APCDD1: variants seen among roughly 807,000 people sequenced by gnomAD.
APCDD1 encodes protein APCDD1.
A neutral mutation model predicts 38.1 loss-of-function variants in APCDD1; 15 were observed. The ratio of observed to expected loss-of-function variants is 0.39; its 90% confidence interval spans 0.26 to 0.61. The LOEUF is 0.61. APCDD1 is among the 20% of genes least tolerant of loss of function. The probability of loss-of-function intolerance (pLI) is 0.49; values close to 1 mark genes in which losing one functional copy is unlikely to be tolerated. For synonymous variants in APCDD1, 261 were observed against 279.7 expected, an observed-to-expected ratio of 0.93 and a Z score of 0.67; for missense variants, 647 against 696.2, an observed-to-expected ratio of 0.93 and a Z score of 0.79.
chr18:10,457,097 A>G (rs1046807590), intron 1 of APCDD1, among the ~76,000 whole-genome samples: 7 of 152,244 alleles, frequency 4.6e-5, no homozygotes, highest in Non-Finnish European at 7.3e-5. Flanking sequence ...TGGCACAATT[A>G]TTAAAACTAA....
chr18:10,486,345 C>A (rs1272862093), intron 4 of APCDD1, among the ~76,000 whole-genome samples: 2 of 152,132 alleles, frequency 1.3e-5, no homozygotes, highest in Non-Finnish European at 2.9e-5. Flanking sequence ...CAGAGAAAGA[C>A]CCTGTCTCTA....
rs1266335174 is a variant in APCDD1 at position 10,467,812 on chromosome 18, C to T, written c.59-657C>T. On this transcript the variant is annotated intron_variant, in intron 1 of 4. Coordinates refer to ENST00000355285, the MANE Select transcript of APCDD1 (RefSeq NM_153000.5). This position sits in a 1 kb window ranked among gnomAD's most constrained non-coding sequence, Gnocchi z 4.8. ...AGGTTCACACCACGTGGTGAGCAGCCCTGTAGAGGGCATCCACTTGAAGAC... is the reference window on the plus strand; with the variant it reads ...AGGTTCACACCACGTGGTGAGCAGCTCTGTAGAGGGCATCCACTTGAAGAC... Among the ~76,000 whole-genome samples, 1 of 152,106 alleles carries T rather than the reference C, an allele frequency of 6.6e-6. No homozygotes were observed. Among genetic ancestry groups the T allele is most frequent in the Non-Finnish European group, 1.5e-5 (1 of 68,030 alleles).
In APCDD1 at chr18:10,485,867, A is replaced by T; in HGVS notation, c.1096+84A>T. ...TGTGGAGGCAGAGCTGAGGGAAAGGACCTCTTTTCTGCCTGAGTTCCCAGG... is the reference window on the plus strand; with the variant it reads ...TGTGGAGGCAGAGCTGAGGGAAAGGTCCTCTTTTCTGCCTGAGTTCCCAGG... On this transcript the variant is annotated intron_variant, in intron 4 of 4. Coordinates refer to ENST00000355285, the MANE Select transcript of APCDD1 (RefSeq NM_153000.5). The surrounding 1 kb of genome is among the most constrained non-coding windows in gnomAD (Gnocchi z 5.8). 6.9e-7 allele frequency: 1 copy of T among 1,452,486 alleles called. No individual in the cohort carries two copies. Among genetic ancestry groups the T allele is most frequent in the Admixed American group, 1.9e-5 (1 of 53,450 alleles). The allele number at this position is 1,452,486 out of a possible 1,614,324, so 90.0% of individuals were successfully genotyped here. A position where few individuals can be genotyped will look rare whatever the true frequency, so the allele number is the denominator to read the frequency against.
chr18:10,463,131 T>C (rs1251759189), intron 1 of APCDD1, among the ~76,000 whole-genome samples: 1 of 151,706 alleles, frequency 6.6e-6, no homozygotes, highest in Non-Finnish European at 1.5e-5. Flanking sequence ...TATGCGAATC[T>C]CTCACTCCTG....
intron 1 of APCDD1, among the ~76,000 whole-genome samples, chr18:10,457,290 T>G (rs943650735): frequency 6.6e-6 from 1 of 152,302 alleles, no homozygotes; most frequent in South Asian, 2.1e-4. Context: ...CTTTCCCCCA[T>G]GACATCTACT....
intron 3 of APCDD1, among the ~76,000 whole-genome samples, chr18:10,478,365 G>C (rs1360303672): frequency 6.6e-6 from 1 of 152,218 alleles, no homozygotes; most frequent in African/African-American, 2.4e-5. Flanking sequence ...CACCTGTGGA[G>C]AGTGGGTGCT....
Position 10,488,518 on chromosome 18 carries a change from T to C in APCDD1, c.*480T>C, listed in dbSNP as rs1267725539. The stretch of plus-strand genomic sequence containing the variant: ...ATGCAGAGTTGGTTTGGGACTGTGA[T>C]CAAGACACCTTTTATTAATAAAGAA... On this transcript the variant is annotated 3_prime_UTR_variant, in exon 5 of 5. Transcript: ENST00000355285. 6.1e-6 allele frequency: 1 copy of C among 163,142 alleles called. No homozygotes were observed. Among genetic ancestry groups the C allele is most frequent in the Non-Finnish European group, 1.3e-5 (1 of 75,100 alleles). 10.1% of individuals were successfully genotyped at this position (163,142 alleles called of 1,614,324 possible). A position where few individuals can be genotyped will look rare whatever the true frequency, so the allele number is the denominator to read the frequency against.
At chr18:10,466,267 T>C (rs1400188568) in intron 1 of APCDD1, among the ~76,000 whole-genome samples, 2 of 152,228 alleles carry the variant, frequency 1.3e-5, no homozygotes, top group Admixed American at 6.5e-5. Context: ...CTGTTGAGGC[T>C]GGCAGAGGTC....
chr18:10,464,622 C>T (rs946749244), intron 1 of APCDD1, among the ~76,000 whole-genome samples: 1 of 152,104 alleles, frequency 6.6e-6, no homozygotes, highest in African/African-American at 2.4e-5. Flanking sequence ...GGTCTTGTTA[C>T]CTTGCCCATG....
rs1216817174 is a variant in APCDD1 at position 10,454,909 on chromosome 18, C to A, written c.-73C>A. 1.4e-6 allele frequency: 2 copies of A among 1,431,964 alleles called. No homozygotes were observed. Among genetic ancestry groups the A allele is most frequent in the African/African-American group, 3.0e-5 (2 of 67,134 alleles). 88.7% of individuals were successfully genotyped at this position (1,431,964 alleles called of 1,614,324 possible). On this transcript the variant is annotated 5_prime_UTR_variant, in exon 1 of 5. Coordinates refer to ENST00000355285, the MANE Select transcript of APCDD1 (RefSeq NM_153000.5). ...GCCGCACCCGGCCGGAGGCGGAGGG[C>A]AGAGCGCGCGCCCAGTTGCCCGGGC...
rs1205257975 is a variant in APCDD1 at position 10,485,762 on chromosome 18, G to A, written c.1075G>A (p.Gly359Ser). 6.2e-7 allele frequency: 1 copy of A among 1,613,432 alleles called. No homozygotes were observed. Among genetic ancestry groups the A allele is most frequent in the Non-Finnish European group, 8.5e-7 (1 of 1,180,034 alleles). The part of the protein sequence containing the change: ...RGVLSSRVMG[G>S]TEFVFKVNHM... ...CGTCCTCTCGTCCAGGGTCATGGGAGGCACCGAGTTCGTGTTCAAAGGTAG... is the reference window on the plus strand; with the variant it reads ...CGTCCTCTCGTCCAGGGTCATGGGAAGCACCGAGTTCGTGTTCAAAGGTAG... The change falls in exon 4 of 5, where the codon GGC (glycine) becomes AGC (serine). Residue 359 changes from glycine to serine, a missense_variant. Coordinates refer to ENST00000355285, the MANE Select transcript of APCDD1 (RefSeq NM_153000.5). This position sits in a 1 kb window ranked among gnomAD's most constrained non-coding sequence, Gnocchi z 5.8.
rs2030851115 is a variant in APCDD1 at position 10,471,565 on chromosome 18, G to A, written c.278G>A (p.Arg93Lys). Residue 93 changes from arginine to lysine, a missense_variant, in exon 3 of 5, where the codon AGG becomes AAG. Physicochemically the swap from Arg to Lys is conservative, Grantham distance 26 (BLOSUM62 2). Coordinates refer to ENST00000355285, the MANE Select transcript of APCDD1 (RefSeq NM_153000.5). This position sits in a 1 kb window ranked among gnomAD's most constrained non-coding sequence, Gnocchi z 5.5. ...AGGTCAGGCCCAGAGTTCATCACAA[G>A]GTCCTACAGATTCTACCACAATAAC... ...EVRSGPEFITRSYRFYHNNTF... is the reference protein window; with the variant it reads ...EVRSGPEFITKSYRFYHNNTF... The A allele has an allele frequency of 6.2e-7, 1 of 1,614,134 alleles. No individual in the cohort carries two copies. Among genetic ancestry groups the A allele is most frequent in the Non-Finnish European group, 8.5e-7 (1 of 1,180,024 alleles).
At chr18:10,455,650 G>A (rs1012527186) in intron 1 of APCDD1, among the ~76,000 whole-genome samples, 1 of 152,158 alleles carries the variant, frequency 6.6e-6, no homozygotes, top group Non-Finnish European at 1.5e-5. Flanking sequence ...ACCCCTATTA[G>A]CCAAGATTTA....
rs2030810702 is a variant in APCDD1, at chr18:10,469,898, A to T, written c.242+1246A>T. 6.6e-6 allele frequency among the ~76,000 whole-genome samples: 1 copy of T among 152,208 alleles called. No homozygotes were observed. The highest frequency in any genetic ancestry group is 2.4e-5 in the African/African-American group (1 of 41,466). On this transcript the variant is annotated intron_variant, in intron 2 of 4. Coordinates refer to ENST00000355285, the MANE Select transcript of APCDD1 (RefSeq NM_153000.5). The surrounding 1 kb of genome is among the most constrained non-coding windows in gnomAD (Gnocchi z 5.5). ...AGTAAACCAGGGCAGACAGCCTCACATGAGGCTGCTGGGGAGGGTAGGCCA... is the reference window on the plus strand; with the variant it reads ...AGTAAACCAGGGCAGACAGCCTCACTTGAGGCTGCTGGGGAGGGTAGGCCA...
At chr18:10,481,230 G>T (rs1426427157) in intron 3 of APCDD1, among the ~76,000 whole-genome samples, 2 of 152,194 alleles carry the variant, frequency 1.3e-5, no homozygotes, top group East Asian at 3.8e-4. Flanking sequence ...TTAAAAGCAA[G>T]GACTTGAACA....
At chr18:10,455,099 G>T in intron 1 of APCDD1, 60 bp downstream of exon 1, 1 of 1,542,634 alleles carries the variant, frequency 6.5e-7, no homozygotes, top group Non-Finnish European at 8.7e-7. Flanking sequence ...GGGCGCCGCG[G>T]AGCCCGCGGA....
At position 10,472,084 on chromosome 18, in the gene APCDD1, C is replaced by T; in HGVS notation, c.774+23C>T. ...AAGGTACCTCAGAGCTCTGTGTTCT[C>T]CTCTTTATTGAGTAAAGTGGGTGAT... On this transcript the variant is annotated intron_variant, in intron 3 of 4. Transcript: ENST00000355285. The surrounding 1 kb of genome is among the most constrained non-coding windows in gnomAD (Gnocchi z 6.6). The T allele has an allele frequency of 6.2e-7, 1 of 1,612,608 alleles. No individual in the cohort carries two copies.
intron 3 of APCDD1, chr18:10,477,316 C>T (rs1417255282): frequency 1.3e-5 from 2 of 152,172 alleles, no homozygotes; most frequent in Non-Finnish European, 2.9e-5. Context: ...TCCTATAAGG[C>T]AGCAAATGTT....
In APCDD1 at chr18:10,468,523, C is replaced by T. The variant is rs748654713; in HGVS notation, c.113C>T (p.Ser38Phe). The T allele has an allele frequency of 9.9e-6, 16 of 1,614,176 alleles. No individual in the cohort carries two copies. Among genetic ancestry groups the T allele is most frequent in the Non-Finnish European group, 1.1e-5 (13 of 1,180,040 alleles). The change falls in exon 2 of 5, where the codon TCC (serine) becomes TTC (phenylalanine). Residue 38 changes from serine to phenylalanine, a missense_variant. Coordinates refer to ENST00000355285, the MANE Select transcript of APCDD1 (RefSeq NM_153000.5). ...LHPDSRSHPR[S>F]LEKSAWRAFK... is the part of the protein sequence containing the mutation. ...CCAGACAGCAGGTCTCATCCTAGGT[C>T]CTTAGAGAAAAGTGCCTGGAGGGCT...
Sources: allele counts gnomAD v4.1 joint callset (sites outside exome capture counted in the v4.1 genomes callset), GRCh38; gene constraint gnomAD v4.1.1; non-coding constraint Gnocchi (gnomAD v3.1); transcripts MANE v1.5; gene names NCBI Gene and HGNC (gene_info 2026-07-23, HGNC 2026-07-21).